Variants in MYH10 observed in about 807,000 individuals in gnomAD.
The protein encoded by MYH10 is myosin heavy chain 10.
A neutral mutation model predicts 257.8 loss-of-function variants in MYH10; 55 were observed. The observed-to-expected ratio is 0.21, with a 90% CI of 0.17 to 0.27. The LOEUF is 0.27. MYH10 is among the 10% of genes least tolerant of loss of function. The probability of loss-of-function intolerance (pLI) is 1.00; values close to 1 mark genes in which losing one functional copy is unlikely to be tolerated. For missense variants in MYH10, 1,631 were observed against 2,500.6 expected (o/e 0.65, Z 7.42); for synonymous variants, 854 against 921.7 (o/e 0.93, Z 1.33).
At chr17:8,486,928 A>G (rs1567779359) in intron 36 of MYH10, among the ~76,000 whole-genome samples, 2 of 152,336 alleles carry the variant, frequency 1.3e-5, no homozygotes, top group Non-Finnish European at 2.9e-5. Context: ...TCAAAGGAAA[A>G]GTTTTCATCA....
chr17:8,577,371 C>A, intron 4 of MYH10, 33 bp from the exon 5 acceptor site: 1 of 1,449,312 alleles, frequency 6.9e-7, no homozygotes, highest in Non-Finnish European at 9.6e-7. Context: ...GCTGCTTTAA[C>A]GAAAGCACAG....
At chr17:8,492,707 A>C in intron 33 of MYH10, 69 bp downstream of exon 33, 1 of 1,549,062 alleles carries the variant, frequency 6.5e-7, no homozygotes, top group Non-Finnish European at 8.6e-7. Context: ...CCTTTAAATA[A>C]GATTATTTTA....
chr17:8,501,131 A>G (rs2151844167), intron 28 of MYH10, among the ~76,000 whole-genome samples, 161 bp from the exon 29 acceptor site: 1 of 152,298 alleles, frequency 6.6e-6, no homozygotes, highest in African/African-American at 2.4e-5. Flanking sequence ...TATTACTGTG[A>G]TATCAGAAAT....
At position 8,571,238 on chromosome 17, in the gene MYH10, G is replaced by A. The variant is rs868039678; in HGVS notation, c.664-1426C>T. On this transcript the variant is annotated intron_variant, in intron 6 of 42. Coordinates refer to ENST00000360416, the MANE Select transcript of MYH10 (RefSeq NM_001256012.3). ...CGCCCAGGCTGGAGTGCAGTGGCGC[G>A]ATCTCGGCTCACTGCAAACTCCGTC... Among the ~76,000 whole-genome samples, 61 of 148,258 alleles carry A rather than the reference G, an allele frequency of 4.1e-4. No homozygotes were observed. The Middle Eastern group carries it at 0.017, about 42-fold the overall frequency.
At chr17:8,522,668 TTC>T (rs1190811331) in intron 17 of MYH10, among the ~76,000 whole-genome samples, 1 of 152,202 alleles carries the variant, frequency 6.6e-6, no homozygotes, top group African/African-American at 2.4e-5. Context: ...ATCTGCCCAC[TTC>T]TCTTGTCAGA....
At chr17:8,592,707 G>C (rs925066902) in intron 3 of MYH10, among the ~76,000 whole-genome samples, 2 of 145,418 alleles carry the variant, frequency 1.4e-5, no homozygotes, top group South Asian at 4.5e-4. Context: ...TCCAAAACAG[G>C]TAGGGAATAA....
intron 26 of MYH10, among the ~76,000 whole-genome samples, chr17:8,507,781 G>A (rs2081121055): frequency 6.6e-6 from 1 of 152,200 alleles, no homozygotes; most frequent in African/African-American, 2.4e-5. Context: ...AGACCAGCCT[G>A]ACCAACATGG....
intron 7 of MYH10, among the ~76,000 whole-genome samples, chr17:8,563,045 TCC>T (rs2083048945): frequency 6.6e-6 from 1 of 152,200 alleles, no homozygotes; most frequent in Non-Finnish European, 1.5e-5. Context: ...GAACATATTT[TCC>T]CCCTTCTTAA....
At chr17:8,584,707 G>T (rs1446471850) in intron 4 of MYH10, among the ~76,000 whole-genome samples, 1 of 152,130 alleles carries the variant, frequency 6.6e-6, no homozygotes, top group Non-Finnish European at 1.5e-5. Flanking sequence ...CTCTGGGCCT[G>T]ATAATTTAAA....
chr17:8,490,672 G>T lies in MYH10; in HGVS notation c.4672-120C>A, dbSNP rs1915626924. 2 of 883,274 alleles carry T rather than the reference G, an allele frequency of 2.3e-6. No homozygotes were observed. The highest frequency in any genetic ancestry group is 5.1e-5 in the East Asian group (2 of 39,304). 54.7% of individuals were successfully genotyped at this position (883,274 alleles called of 1,614,324 possible). A position where few individuals can be genotyped will look rare whatever the true frequency, so the allele number is the denominator to read the frequency against. ...CTGGCCACTTTGGTCCCCCTGGGCCGGCCCCCTGCCACATGCATACACATC... is the reference window on the plus strand; with the variant it reads ...CTGGCCACTTTGGTCCCCCTGGGCCTGCCCCCTGCCACATGCATACACATC... On this transcript the variant is annotated intron_variant, in intron 34 of 42. Coordinates refer to ENST00000360416, the MANE Select transcript of MYH10 (RefSeq NM_001256012.3). The surrounding 1 kb of genome is among the most constrained non-coding windows in gnomAD (Gnocchi z 4.1).
intron 24 of MYH10, among the ~76,000 whole-genome samples, chr17:8,510,288 C>T (rs909535547): frequency 4.6e-5 from 7 of 151,884 alleles, no homozygotes; most frequent in Non-Finnish European, 7.4e-5. Context: ...ATGATCCATC[C>T]GCCTCAGCCT....
chr17:8,488,630 T>C (rs1261511759), intron 35 of MYH10, among the ~76,000 whole-genome samples: 2 of 152,126 alleles, frequency 1.3e-5, no homozygotes, highest in Non-Finnish European at 2.9e-5. Context: ...TGATGGCTGG[T>C]GTGGGAGCTG....
chr17:8,547,167 A>C (rs2151953775), intron 11 of MYH10, among the ~76,000 whole-genome samples: 1 of 152,296 alleles, frequency 6.6e-6, no homozygotes, highest in South Asian at 2.1e-4. Flanking sequence ...CTCCTGCTTC[A>C]GCCTCCCGAG....
At chr17:8,598,642 C>G (rs1365311147) in intron 3 of MYH10, among the ~76,000 whole-genome samples, 3 of 151,980 alleles carry the variant, frequency 2.0e-5, no homozygotes, top group Non-Finnish European at 4.4e-5. Context: ...ACGTTTAGAG[C>G]CATGAACTAT....
chr17:8,480,286 C>T lies in MYH10; in HGVS notation c.5421G>A (p.Glu1807=), dbSNP rs1260083007. The change falls in exon 40 of 43, where the codon GAG becomes GAA. Residue 1807 remains glutamate (E), a synonymous_variant. Transcript: ENST00000360416. ...VDTLNAELAA[E]RSAAQKSDNA... ...TGTCACTCTTCTGGGCGGCGCTGCG[C>T]TCGGCTGCTAGCTCGGCGTTCAGTG... is the stretch of plus-strand genomic sequence containing the variant. 4.3e-6 allele frequency: 7 copies of T among 1,614,028 alleles called. No homozygotes were observed. The highest frequency in any genetic ancestry group is 1.6e-4 in the Middle Eastern group (1 of 6,084).
chr17:8,477,331 C>G lies in MYH10; in HGVS notation c.5707-283G>C, dbSNP rs1347947934. 1.3e-5 allele frequency among the ~76,000 whole-genome samples: 2 copies of G among 152,194 alleles called. No homozygotes were observed. Among genetic ancestry groups the G allele is most frequent in the Non-Finnish European group, 2.9e-5 (2 of 68,024 alleles). On this transcript the variant is annotated intron_variant, in intron 41 of 42. Coordinates refer to ENST00000360416, the MANE Select transcript of MYH10 (RefSeq NM_001256012.3). The surrounding 1 kb of genome is among the most constrained non-coding windows in gnomAD (Gnocchi z 4.2). ...TTCTGCAGAAAAATGACAGCGTTTACTGTCTTCACACACGTGACCTAGGGG... is the reference window on the plus strand; with the variant it reads ...TTCTGCAGAAAAATGACAGCGTTTAGTGTCTTCACACACGTGACCTAGGGG...
intron 24 of MYH10, 25 bp from the exon 25 acceptor site, chr17:8,509,974 T>C: frequency 6.4e-7 from 1 of 1,573,482 alleles, no homozygotes; most frequent in Non-Finnish European, 8.6e-7. Context: ...ACAGTCAGTC[T>C]CGCCACTTTC....
In MYH10 at chr17:8,477,923, G is replaced by A. The variant is rs757770517; in HGVS notation, c.5706+415C>T. On this transcript the variant is annotated intron_variant, in intron 41 of 42. Coordinates refer to ENST00000360416, the MANE Select transcript of MYH10 (RefSeq NM_001256012.3). The surrounding 1 kb of genome is among the most constrained non-coding windows in gnomAD (Gnocchi z 4.2). ...ACGCTGAAGCTCACTCGGGTGCAGCGTGCAGTACCTTTGTCTTCCCTTCAC... is the reference window on the plus strand; with the variant it reads ...ACGCTGAAGCTCACTCGGGTGCAGCATGCAGTACCTTTGTCTTCCCTTCAC... 6.6e-5 allele frequency among the ~76,000 whole-genome samples: 10 copies of A among 152,176 alleles called. No homozygotes were observed. The highest frequency in any genetic ancestry group is 1.2e-4 in the Non-Finnish European group (8 of 68,026).
chr17:8,481,397 G>C lies in MYH10; in HGVS notation c.5189C>G (p.Ser1730Cys), dbSNP rs772874918. The C allele has an allele frequency of 7.4e-6, 12 of 1,613,946 alleles. No homozygotes were observed. In the South Asian group the frequency reaches 8.8e-5, roughly 12 times the overall value. ...ILQLQEELAS[S>C]ERARRHAEQE... is the part of the protein sequence containing the mutation. ...CTCGGCGTGTCGGCGGGCTCGCTCA[G>C]ATGAGGCAAGTTCCTAAGCAGTGGA... The change falls in exon 38 of 43, where the codon TCT becomes TGT. Residue 1730 changes from serine (S) to cysteine (C), a missense_variant. This residue lies in a region of MYH10 where 343 missense variants were observed against 389.5 expected (regional missense o/e 0.88). Coordinates refer to ENST00000360416, the MANE Select transcript of MYH10 (RefSeq NM_001256012.3).
Sources: allele counts gnomAD v4.1 joint callset (sites outside exome capture counted in the v4.1 genomes callset), GRCh38; gene constraint gnomAD v4.1.1; regional missense constraint gnomAD v4.1.1; non-coding constraint Gnocchi (gnomAD v3.1); transcripts MANE v1.5; gene names NCBI Gene and HGNC (gene_info 2026-07-23, HGNC 2026-07-21).